OTUD6B: variants seen among roughly 807,000 people sequenced by gnomAD.
OTUD6B encodes deubiquitinase OTUD6B.
A neutral mutation model predicts 36.9 loss-of-function variants in OTUD6B; 41 were observed. That is an observed-to-expected ratio of 1.11 (90% CI 0.87 to 1.44). The LOEUF is 1.44. Among genes scored for constraint, OTUD6B ranks in the 40% most tolerant of loss-of-function variants. The pLI is 0.00. For synonymous variants in OTUD6B, 114 were observed against 114.2 expected, an observed-to-expected ratio of 1.00 and a Z score of 0.01; for missense variants, 356 against 344.8, an observed-to-expected ratio of 1.03 and a Z score of -0.26.
In OTUD6B at chr8:91,080,422, C is replaced by T. The variant is rs542093065; in HGVS notation, c.629-247C>T. On this transcript the variant is annotated intron_variant, in intron 4 of 6. Coordinates refer to ENST00000404789, the MANE Select transcript of OTUD6B (RefSeq NM_016023.5). ...TAGGTTTGTTATATAGGGAGGGTAT[C>T]TGGGCCTCCAACAGAAGAAGAAAAG... 10 of 300,890 alleles carry T rather than the reference C, an allele frequency of 3.3e-5. No individual in the cohort carries two copies. The South Asian group carries it at 1.3e-3, about 39-fold the overall frequency. 18.6% of individuals were successfully genotyped at this position (300,890 alleles called of 1,614,324 possible).
chr8:91,078,259 C>T (rs954096576), intron 3 of OTUD6B, 97 bp from the exon 4 acceptor site: 79 of 1,448,854 alleles, frequency 5.5e-5, no homozygotes, highest in Non-Finnish European at 6.4e-5. Context: ...GAATAAACAC[C>T]GGAAAGTTTT....
chr8:91,085,312 T>C lies in OTUD6B; in HGVS notation c.*444T>C, dbSNP rs544304854. 1 of 152,346 alleles carries C rather than the reference T, an allele frequency of 6.6e-6. No homozygotes were observed. The highest frequency in any genetic ancestry group is 2.1e-4 in the South Asian group (1 of 4,830). The allele number at this position is 152,346 out of a possible 1,614,324, so 9.4% of individuals were successfully genotyped here. A position where few individuals can be genotyped will look rare whatever the true frequency, so the allele number is the denominator to read the frequency against. ...TAATGTAGTATGGTGATGGTCAATT[T>C]AATTATTGCTTATAAAATGAACTTG... is the stretch of plus-strand genomic sequence containing the variant. On this transcript the variant is annotated 3_prime_UTR_variant, in exon 7 of 7. Coordinates refer to ENST00000404789, the MANE Select transcript of OTUD6B (RefSeq NM_016023.5).
chr8:91,076,723 A>G (rs1483257402), intron 3 of OTUD6B: 1 of 988,538 alleles, frequency 1.0e-6, no homozygotes, highest in Non-Finnish European at 1.5e-6. Flanking sequence ...GGATTAGATG[A>G]TATCTAAGGT....
intron 5 of OTUD6B, among the ~76,000 whole-genome samples, chr8:91,081,456 G>T (rs1299096370): frequency 2.0e-5 from 3 of 151,626 alleles, no homozygotes; most frequent in Admixed American, 2.0e-4. Flanking sequence ...AAGAAAGAAA[G>T]TTCTGGGTTC....
intron 4 of OTUD6B, among the ~76,000 whole-genome samples, chr8:91,079,493 G>A (rs1023749374): frequency 1.3e-5 from 2 of 152,002 alleles, no homozygotes; most frequent in African/African-American, 4.8e-5. Flanking sequence ...ATGGCTTAAG[G>A]TATCTGTTGA....
At chr8:91,080,778 T>C (rs1812889601) in intron 5 of OTUD6B, 48 bp downstream of exon 5, 2 of 1,367,280 alleles carry the variant, frequency 1.5e-6, no homozygotes. Context: ...AAATTATTTC[T>C]AAATCCCTTC....
intron 3 of OTUD6B, among the ~76,000 whole-genome samples, chr8:91,078,065 A>G (rs1045380277): frequency 5.3e-5 from 8 of 152,100 alleles, no homozygotes; most frequent in Non-Finnish European, 1.0e-4. Context: ...GAAATCAGTA[A>G]GTAAGGTTTT....
chr8:91,079,890 C>G (rs532702283), intron 4 of OTUD6B, among the ~76,000 whole-genome samples: 6 of 152,104 alleles, frequency 3.9e-5, no homozygotes, highest in Middle Eastern at 3.2e-3. Context: ...CTACTCTAGG[C>G]ACTGTTCTGA....
intron 3 of OTUD6B, among the ~76,000 whole-genome samples, chr8:91,075,174 A>G (rs923300384): frequency 2.6e-5 from 4 of 152,194 alleles, no homozygotes; most frequent in East Asian, 3.9e-4. Flanking sequence ...ACATAGTCCA[A>G]CATTTCTCAT....
intron 6 of OTUD6B, among the ~76,000 whole-genome samples, chr8:91,084,407 A>G (rs188633925): frequency 7.2e-5 from 11 of 152,224 alleles, no homozygotes; most frequent in Middle Eastern, 3.4e-3. Context: ...ATTTTTCTTC[A>G]TTTTATGAAA....
intron 2 of OTUD6B, among the ~76,000 whole-genome samples, chr8:91,071,940 C>G (rs940591126): frequency 6.6e-6 from 1 of 152,112 alleles, no homozygotes; most frequent in Admixed American, 6.5e-5. Context: ...TCAAATTTTC[C>G]CACATATATA....
intron 3 of OTUD6B, chr8:91,076,865 A>G: frequency 1.6e-6 from 1 of 641,026 alleles, no homozygotes; most frequent in Non-Finnish European, 2.8e-6. Flanking sequence ...TGTTCCTATT[A>G]CTTATACAAA....
At position 91,070,359 on chromosome 8, in the gene OTUD6B, C is replaced by T; in HGVS notation, c.-26C>T. On this transcript the variant is annotated 5_prime_UTR_variant, in exon 1 of 7. Coordinates refer to ENST00000404789, the MANE Select transcript of OTUD6B (RefSeq NM_016023.5). Reference sequence around the variant, plus strand: ...ACTAGCCGGTGCAGGTTTCTTCTAGCGCGTGTGCTGGGGTACCTGGTCGTC... The same window carrying T: ...ACTAGCCGGTGCAGGTTTCTTCTAGTGCGTGTGCTGGGGTACCTGGTCGTC... 6.2e-7 allele frequency: 1 copy of T among 1,612,622 alleles called. No homozygotes were observed. Among genetic ancestry groups the T allele is most frequent in the Non-Finnish European group, 8.5e-7 (1 of 1,179,324 alleles).
At chr8:91,074,880 A>G (rs1234315564) in intron 3 of OTUD6B, among the ~76,000 whole-genome samples, 1 of 151,944 alleles carries the variant, frequency 6.6e-6, no homozygotes, top group African/African-American at 2.4e-5. Flanking sequence ...TTTAAGCCTC[A>G]GTTTCACATC....
chr8:91,082,236 T>C (rs1280067080), intron 5 of OTUD6B, among the ~76,000 whole-genome samples: 4 of 152,194 alleles, frequency 2.6e-5, no homozygotes, highest in Admixed American at 6.5e-5. Flanking sequence ...TTTACCACCA[T>C]GCAGCAGAGT....
chr8:91,083,560 G>A (rs1325992166), intron 5 of OTUD6B, among the ~76,000 whole-genome samples: 1 of 152,050 alleles, frequency 6.6e-6, no homozygotes, highest in Non-Finnish European at 1.5e-5. Context: ...AATTTTTTGA[G>A]GGCTGACATC....
At chr8:91,074,517 C>T (rs902021383) in intron 3 of OTUD6B, among the ~76,000 whole-genome samples, 2 of 151,834 alleles carry the variant, frequency 1.3e-5, no homozygotes, top group Non-Finnish European at 1.5e-5. Context: ...ATAGGATATT[C>T]CAAATAGGAG....
rs1812846659 is a variant in OTUD6B at position 91,078,670 on chromosome 8, T to C, written c.628+2T>C. 2.0e-6 allele frequency: 3 copies of C among 1,521,174 alleles called. No individual in the cohort carries two copies. The highest frequency in any genetic ancestry group is 2.1e-5 in the Admixed American group (1 of 47,910). 94.2% of individuals were successfully genotyped at this position (1,521,174 alleles called of 1,614,324 possible). A position where few individuals can be genotyped will look rare whatever the true frequency, so the allele number is the denominator to read the frequency against. On this transcript the variant is annotated splice_donor_variant, in intron 4 of 6. Coordinates refer to ENST00000404789, the MANE Select transcript of OTUD6B (RefSeq NM_016023.5). LOFTEE classifies it high-confidence loss of function. ...ATACAGGAGATATGTATACTCCAGG[T>C]AATTTATTTTTCTTTACTATGTTTT...
chr8:91,080,530 A>G, intron 4 of OTUD6B, 139 bp from the exon 5 acceptor site: 1 of 1,433,084 alleles, frequency 7.0e-7, no homozygotes, highest in Admixed American at 3.1e-5. Context: ...GTTAGATTAG[A>G]TTCTGGAGGA....
Sources: gnomAD v4.1 joint callset for allele counts (sites outside exome capture counted in the v4.1 genomes callset) on GRCh38, gnomAD v4.1.1 for gene constraint, MANE v1.5 for transcripts, NCBI Gene and HGNC (gene_info 2026-07-23, HGNC 2026-07-21) for gene names.